RAP1A: variants seen among roughly 807,000 people sequenced by gnomAD.
RAP1A encodes RAP1A, member of RAS oncogene family.
RAP1A carries 6 observed loss-of-function variants against 26.4 expected under a neutral mutation model. The observed-to-expected ratio is 0.23, with a 90% CI of 0.12 to 0.45. RAP1A has a LOEUF of 0.45. RAP1A is among the 20% of genes least tolerant of loss of function. The pLI is 0.99. For missense variants in RAP1A, 121 were observed against 217.2 expected (o/e 0.56, Z 2.78); for synonymous variants, 73 against 79.4 (o/e 0.92, Z 0.43).
intron 4 of RAP1A, among the ~76,000 whole-genome samples, chr1:111,698,704 G>C (rs992524345): frequency 6.6e-6 from 1 of 152,104 alleles, no homozygotes; most frequent in African/African-American, 2.4e-5. Context: ...CAACAATATA[G>C]TACTAATTAT....
intron 1 of RAP1A, chr1:111,686,563 T>A (rs1322273863): frequency 6.6e-6 from 1 of 151,756 alleles, no homozygotes; most frequent in Non-Finnish European, 1.5e-5. Flanking sequence ...TGGTGGTGCA[T>A]GTCTGTAGTC....
chr1:111,612,783 A>T (rs749198916), intron 1 of RAP1A, among the ~76,000 whole-genome samples: 10 of 152,240 alleles, frequency 6.6e-5, no homozygotes, highest in Non-Finnish European at 1.3e-4. Flanking sequence ...TCTTTTAAAT[A>T]TTTCAAACAG....
intron 6 of RAP1A, among the ~76,000 whole-genome samples, chr1:111,708,193 A>G (rs1318973725): frequency 6.6e-6 from 1 of 152,190 alleles, no homozygotes; most frequent in Non-Finnish European, 1.5e-5. Flanking sequence ...CAAACAAACT[A>G]AAAACCACAA....
intron 1 of RAP1A, chr1:111,686,436 C>T (rs1221335847): frequency 6.6e-6 from 1 of 151,574 alleles, no homozygotes; most frequent in African/African-American, 2.4e-5. Flanking sequence ...GATTCAAATT[C>T]CCAAAAGTGA....
At chr1:111,578,926 G>A (rs1049479800) in intron 1 of RAP1A, among the ~76,000 whole-genome samples, 3 of 152,132 alleles carry the variant, frequency 2.0e-5, no homozygotes, top group Non-Finnish European at 4.4e-5. Flanking sequence ...TGGAATTCAG[G>A]GAAACATTTA....
At chr1:111,703,538 C>T in intron 5 of RAP1A, 62 bp downstream of exon 5, 3 of 1,369,094 alleles carry the variant, frequency 2.2e-6, no homozygotes, top group Non-Finnish European at 2.9e-6. Context: ...TAAAAAAGTG[C>T]CTGTTTTCTC....
intron 1 of RAP1A, among the ~76,000 whole-genome samples, chr1:111,642,430 C>A (rs1232071785): frequency 6.6e-6 from 1 of 151,836 alleles, no homozygotes; most frequent in East Asian, 1.9e-4. Flanking sequence ...CATTTCTTAC[C>A]CCTTTCTTGC....
chr1:111,605,669 A>G (rs1658756459), intron 1 of RAP1A, among the ~76,000 whole-genome samples: 1 of 152,232 alleles, frequency 6.6e-6, no homozygotes, highest in Admixed American at 6.5e-5. Context: ...CCAGAAATCC[A>G]AACACTGTTA....
chr1:111,637,959 G>A (rs568481452), intron 1 of RAP1A, among the ~76,000 whole-genome samples: 16 of 151,978 alleles, frequency 1.1e-4, no homozygotes, highest in South Asian at 4.1e-4. Context: ...ATTTTTTGGT[G>A]TATATGACTT....
intron 1 of RAP1A, among the ~76,000 whole-genome samples, chr1:111,613,823 T>C (rs963407567): frequency 8.5e-5 from 13 of 152,224 alleles, no homozygotes; most frequent in Non-Finnish European, 2.9e-5. Flanking sequence ...TGGACCAGCA[T>C]CAACAATCTA....
At chr1:111,622,192 C>T (rs980645072) in intron 1 of RAP1A, among the ~76,000 whole-genome samples, 4 of 152,162 alleles carry the variant, frequency 2.6e-5, no homozygotes, top group Non-Finnish European at 4.4e-5. Context: ...GATTTCCACA[C>T]AGCAGCTACA....
chr1:111,624,438 A>G (rs751727993), intron 1 of RAP1A, among the ~76,000 whole-genome samples: 1 of 152,242 alleles, frequency 6.6e-6, no homozygotes, highest in Non-Finnish European at 1.5e-5. Context: ...TAATAGTGGT[A>G]TAGATTTGCA....
At chr1:111,563,244 A>G (rs569316937) in intron 1 of RAP1A, among the ~76,000 whole-genome samples, 72 of 152,270 alleles carry the variant, frequency 4.7e-4, no homozygotes, top group African/African-American at 1.7e-3. Context: ...CCACTGTACT[A>G]CAGCCAGGGC....
chr1:111,688,883 G>A (rs1201542489), intron 1 of RAP1A, among the ~76,000 whole-genome samples: 1 of 150,198 alleles, frequency 6.7e-6, no homozygotes, highest in Non-Finnish European at 1.5e-5. Context: ...CGCCCAGGCA[G>A]GAGTGCAGTG....
intron 1 of RAP1A, among the ~76,000 whole-genome samples, chr1:111,613,107 T>A (rs898260467): frequency 2.0e-5 from 3 of 151,914 alleles, no homozygotes; most frequent in African/African-American, 7.2e-5. Context: ...TACCTCTACA[T>A]CATAAGATCA....
At chr1:111,614,658 A>G (rs1286094369) in intron 1 of RAP1A, among the ~76,000 whole-genome samples, 1 of 152,190 alleles carries the variant, frequency 6.6e-6, no homozygotes, top group Non-Finnish European at 1.5e-5. Context: ...CATGTTAGAA[A>G]AGTTGCTTCC....
intron 1 of RAP1A, among the ~76,000 whole-genome samples, chr1:111,579,848 C>T (rs566206930): frequency 2.0e-5 from 3 of 152,082 alleles, no homozygotes; most frequent in Non-Finnish European, 4.4e-5. Context: ...CCTGCTCTGT[C>T]GCCCAGGCTG....
chr1:111,550,224 T>C (rs1657205197), intron 1 of RAP1A, among the ~76,000 whole-genome samples: 1 of 152,202 alleles, frequency 6.6e-6, no homozygotes, highest in South Asian at 2.1e-4. Flanking sequence ...CCTATTTTTC[T>C]GGTCAGCATG....
chr1:111,688,501 G>A (rs1410925742), intron 1 of RAP1A, among the ~76,000 whole-genome samples: 1 of 151,632 alleles, frequency 6.6e-6, no homozygotes, highest in Non-Finnish European at 1.5e-5. Flanking sequence ...TTGTACTTTA[G>A]TAGAGACGGG....
Sources: gnomAD v4.1 joint callset for allele counts (sites outside exome capture counted in the v4.1 genomes callset) on GRCh38, gnomAD v4.1.1 for gene constraint, MANE v1.5 for transcripts, NCBI Gene and HGNC (gene_info 2026-07-23, HGNC 2026-07-21) for gene names.